Variants in BLM observed in about 807,000 individuals in gnomAD.
BLM encodes the protein BLM RecQ like helicase.
In BLM, 95 loss-of-function variants were observed where a neutral mutation model predicts 135.3. The ratio of observed to expected loss-of-function variants is 0.70; its 90% confidence interval spans 0.59 to 0.83. The LOEUF (loss-of-function observed/expected upper bound fraction) is 0.83. Ranked by LOEUF, BLM falls within the 40% of genes least tolerant of loss-of-function variation. The probability of loss-of-function intolerance (pLI) is 0.00; values close to 1 mark genes in which losing one functional copy is unlikely to be tolerated. For synonymous variants in BLM, 520 were observed against 589.2 expected, an observed-to-expected ratio of 0.88 and a Z score of 1.70; for missense variants, 1,518 against 1,663.9, an observed-to-expected ratio of 0.91 and a Z score of 1.53.
rs1162333482 is a variant in BLM, at chr15:90,754,887, G to T, written c.1036G>T (p.Glu346Ter). The change falls in exon 5 of 22, where the codon GAG (glutamate) becomes TAG (stop). Residue 346 changes from glutamate (E) to a stop codon, truncating the protein, a stop_gained. Coordinates refer to ENST00000355112, the MANE Select transcript of BLM (RefSeq NM_000057.4). LOFTEE classifies it high-confidence loss of function. ...STSKDLLSKP[E>*]KMSMQELNPE... ...ATCAAAAGATCTTTTGTCAAAACCT[G>T]AGAAAATGAGTATGCAGGAGCTGAA... is the stretch of plus-strand genomic sequence containing the variant. 6.2e-7 allele frequency: 1 copy of T among 1,613,966 alleles called. No homozygotes were observed. The highest frequency in any genetic ancestry group is 1.7e-5 in the Admixed American group (1 of 60,012).
chr15:90,766,130 CT>C (rs2151163220), intron 9 of BLM, among the ~76,000 whole-genome samples: 1 of 152,272 alleles, frequency 6.6e-6, no homozygotes, highest in African/African-American at 2.4e-5. Flanking sequence ...TTAAAAAGAA[CT>C]GTTTTAAGAG....
intron 1 of BLM, among the ~76,000 whole-genome samples, chr15:90,722,752 G>T (rs1894802546): frequency 6.6e-6 from 1 of 152,088 alleles, no homozygotes; most frequent in African/African-American, 2.4e-5. Flanking sequence ...GATCAAGAAA[G>T]AAATAGAATA....
At chr15:90,764,645 A>G (rs1386638836) in intron 8 of BLM, among the ~76,000 whole-genome samples, 1 of 152,156 alleles carries the variant, frequency 6.6e-6, no homozygotes, top group Non-Finnish European at 1.5e-5. Context: ...AAAGTAAATA[A>G]ACATTATATA....
At chr15:90,752,083 A>G (rs1047715686) in intron 4 of BLM, 137 bp downstream of exon 4, 8 of 837,556 alleles carry the variant, frequency 9.6e-6, no homozygotes, top group African/African-American at 8.6e-5. Context: ...GAAAGCCTCA[A>G]AAAAAAACCC....
In BLM at chr15:90,769,605, C is replaced by A; in HGVS notation, c.2555+19C>A. ...CTCAGGTGTAAGTTGTTGCACGTCA[C>A]GTATTTGAGAACCCTGGGGCAGTGA... On this transcript the variant is annotated intron_variant, in intron 12 of 21. Coordinates refer to ENST00000355112, the MANE Select transcript of BLM (RefSeq NM_000057.4). 1 of 1,611,892 alleles carries A rather than the reference C, an allele frequency of 6.2e-7. No individual in the cohort carries two copies. Among genetic ancestry groups the A allele is most frequent in the Non-Finnish European group, 8.5e-7 (1 of 1,178,822 alleles).
intron 1 of BLM, among the ~76,000 whole-genome samples, chr15:90,719,309 A>G (rs1894704385): frequency 6.6e-6 from 1 of 152,152 alleles, no homozygotes; most frequent in African/African-American, 2.4e-5. Flanking sequence ...TTTTAAATAT[A>G]TCTGAAATGA....
At chr15:90,718,674 A>G (rs1894676129) in intron 1 of BLM, among the ~76,000 whole-genome samples, 1 of 152,202 alleles carries the variant, frequency 6.6e-6, no homozygotes, top group African/African-American at 2.4e-5. Context: ...GTCCTGTGTC[A>G]CTTTCAATGC....
At chr15:90,798,646 A>G (rs1333850615) in intron 17 of BLM, among the ~76,000 whole-genome samples, 3 of 149,264 alleles carry the variant, frequency 2.0e-5, no homozygotes, top group African/African-American at 7.4e-5. Context: ...CCATAACAGC[A>G]TAGAGAATAG....
chr15:90,762,814 G>C (rs1896020637), intron 7 of BLM, 152 bp from the exon 8 acceptor site: 1 of 757,730 alleles, frequency 1.3e-6, no homozygotes, highest in East Asian at 2.7e-5. Flanking sequence ...TGGTGGCTTT[G>C]AGACTTGTAG....
chr15:90,752,030 A>G (rs1214578217), intron 4 of BLM, 84 bp downstream of exon 4: 3 of 1,260,666 alleles, frequency 2.4e-6, no homozygotes, highest in South Asian at 2.7e-5. Context: ...TCATTTCTAT[A>G]TAAAAGTATT....
rs773850001 is a variant in BLM, at chr15:90,769,094, T to G, written c.2308-39T>G. On this transcript the variant is annotated intron_variant, in intron 10 of 21. Coordinates refer to ENST00000355112, the MANE Select transcript of BLM (RefSeq NM_000057.4). ...GACCACAGAATCATGAGGTGATGTGTTTCAGTGTTTTTACATGTCTAATGT... is the reference window on the plus strand; with the variant it reads ...GACCACAGAATCATGAGGTGATGTGGTTCAGTGTTTTTACATGTCTAATGT... 15 of 1,431,284 alleles carry G rather than the reference T, an allele frequency of 1.0e-5. No individual in the cohort carries two copies. In the African/African-American group the frequency reaches 2.1e-4, roughly 20 times the overall value. 88.7% of individuals were successfully genotyped at this position (1,431,284 alleles called of 1,614,324 possible). A position where few individuals can be genotyped will look rare whatever the true frequency, so the allele number is the denominator to read the frequency against.
intron 17 of BLM, among the ~76,000 whole-genome samples, chr15:90,798,937 C>T (rs373476620): frequency 6.6e-6 from 1 of 151,588 alleles, no homozygotes; most frequent in Non-Finnish European, 1.5e-5. Context: ...GAGCTGAGAT[C>T]GCACCATTGC....
intron 1 of BLM, among the ~76,000 whole-genome samples, chr15:90,742,984 T>TG (rs1362714517): frequency 1.3e-5 from 2 of 150,328 alleles, no homozygotes; most frequent in Non-Finnish European, 2.9e-5. Context: ...GCTTGAAGCT[T>TG]ACATTTCCTG....
chr15:90,778,945 G>T (rs968027638), intron 12 of BLM, among the ~76,000 whole-genome samples: 3 of 149,548 alleles, frequency 2.0e-5, no homozygotes, highest in African/African-American at 7.4e-5. Flanking sequence ...GAGTGCAGTG[G>T]TGCGATCTTG....
Position 90,769,165 on chromosome 15 carries a change from G to GGA in BLM, c.2343_2344dup (p.Asn782ArgfsTer34), listed in dbSNP as rs1555420842. On this transcript the variant is annotated frameshift_variant, in exon 11 of 22. Transcript: ENST00000355112. LOFTEE classifies it high-confidence loss of function. ...CAAGTAACAGACTCATTTCTACTCT[G>GGA]GAGAATCTCTATGAGAGGAAGCTCT... The GGA allele has an allele frequency of 3.1e-6, 5 of 1,613,598 alleles. No individual in the cohort carries two copies. The highest frequency in any genetic ancestry group is 3.4e-6 in the Non-Finnish European group (4 of 1,179,534).
chr15:90,734,012 G>C (rs1895135098), intron 1 of BLM, among the ~76,000 whole-genome samples: 1 of 152,060 alleles, frequency 6.6e-6, no homozygotes, highest in African/African-American at 2.4e-5. Flanking sequence ...AATTACAGAT[G>C]AATATTATGT....
intron 20 of BLM, among the ~76,000 whole-genome samples, chr15:90,809,816 C>T (rs1441391092): frequency 6.6e-6 from 1 of 152,188 alleles, no homozygotes; most frequent in Non-Finnish European, 1.5e-5. Context: ...CACTTCTAAT[C>T]ATGAGCTTCA....
chr15:90,815,188 C>T lies in BLM; in HGVS notation c.4163C>T (p.Ala1388Val), dbSNP rs1567068992. Residue 1388 changes from alanine to valine, a missense_variant, in exon 22 of 22, where the codon GCG becomes GTG. By Grantham distance (64) the Ala-to-Val change is moderately conservative (BLOSUM62 0). Coordinates refer to ENST00000355112, the MANE Select transcript of BLM (RefSeq NM_000057.4). This position sits in a 1 kb window ranked among gnomAD's most constrained non-coding sequence, Gnocchi z 4.6. ...GSSSASHTSQ[A>V]TSGANSKLGI... ...AGTTCAGCCTCACATACTTCTCAAG[C>T]GACATCAGGAGCCAATAGCAAATTG... 2.5e-6 allele frequency: 4 copies of T among 1,614,144 alleles called. No homozygotes were observed. In the South Asian group the frequency reaches 3.3e-5, roughly 13 times the overall value.
intron 17 of BLM, among the ~76,000 whole-genome samples, chr15:90,798,642 C>T (rs1053975359): frequency 1.3e-5 from 2 of 149,112 alleles, no homozygotes; most frequent in Non-Finnish European, 3.0e-5. Flanking sequence ...AGACCCATAA[C>T]AGCATAGAGA....
Sources: allele counts gnomAD v4.1 joint callset (sites outside exome capture counted in the v4.1 genomes callset), GRCh38; gene constraint gnomAD v4.1.1; non-coding constraint Gnocchi (gnomAD v3.1); transcripts MANE v1.5; gene names NCBI Gene and HGNC (gene_info 2026-07-23, HGNC 2026-07-21).